The following ROR1 variants were observed in gnomAD, a reference collection of about 807,000 sequenced individuals.
ROR1 encodes ROR family WNT receptor 1.
ROR1 carries 19 observed loss-of-function variants against 78.8 expected under a neutral mutation model. The ratio of observed to expected loss-of-function variants is 0.24; its 90% CI spans 0.17 to 0.35. The LOEUF (loss-of-function observed/expected upper bound fraction) is 0.35. ROR1 is among the 10% of genes least tolerant of loss of function. The probability of loss-of-function intolerance (pLI) is 1.00; values close to 1 mark genes in which losing one functional copy is unlikely to be tolerated. For synonymous variants in ROR1, 386 were observed against 433.6 expected, an observed-to-expected ratio of 0.89 and a Z score of 1.36; for missense variants, 917 against 1,177.8, an observed-to-expected ratio of 0.78 and a Z score of 3.24.
At chr1:63,885,495 G>A (rs1357712202) in intron 1 of ROR1, among the ~76,000 whole-genome samples, 1 of 152,144 alleles carries the variant, frequency 6.6e-6, no homozygotes. Flanking sequence ...TGGTTTCTGG[G>A]TATGGCTTTT....
rs1213700780 is a variant in ROR1 at position 63,774,736 on chromosome 1, A to T, written c.91+228A>T. 1.3e-5 allele frequency among the ~76,000 whole-genome samples: 2 copies of T among 151,156 alleles called. No homozygotes were observed. Among genetic ancestry groups the T allele is most frequent in the African/African-American group, 4.9e-5 (2 of 41,154 alleles). On this transcript the variant is annotated intron_variant, in intron 1 of 8. Coordinates refer to ENST00000371079, the MANE Select transcript of ROR1 (RefSeq NM_005012.4). This position sits in a 1 kb window ranked among gnomAD's most constrained non-coding sequence, Gnocchi z 5.7. ...GCGGCGGGCCGGGGCGCGCCCAGGG[A>T]CTCGTTCCTCGGTGCGCAGCAGCGA...
rs139114952 is a variant in ROR1, at chr1:64,159,113, C to T, written c.1307C>T (p.Ser436Leu). 220 of 1,614,066 alleles carry T rather than the reference C, an allele frequency of 1.4e-4. No individual in the cohort carries two copies. In the African/African-American group the frequency reaches 2.4e-3, roughly 17 times the overall value. ...TGTCGGAATAACCAGAAGTCATCGT[C>T]GGCACCAGTCCAGAGGCAACCAAAA... is the stretch of plus-strand genomic sequence containing the variant. ...CVCRNNQKSS[S>L]APVQRQPKHV... Residue 436 changes from serine (S) to leucine (L), a missense_variant, in exon 8 of 9, where the codon TCG becomes TTG. Around this residue, in one of 3 missense-constraint regions of ROR1, gnomAD observed 835 missense variants for 1,069.8 expected, o/e 0.78. Coordinates refer to ENST00000371079, the MANE Select transcript of ROR1 (RefSeq NM_005012.4).
At chr1:63,861,781 G>C (rs1434212956) in intron 1 of ROR1, among the ~76,000 whole-genome samples, 2 of 152,088 alleles carry the variant, frequency 1.3e-5, no homozygotes, top group African/African-American at 4.8e-5. Context: ...GTTAAGAAAG[G>C]GTTCAAAAGG....
chr1:64,074,068 G>A (rs1023818790), intron 4 of ROR1, among the ~76,000 whole-genome samples: 1 of 152,020 alleles, frequency 6.6e-6, no homozygotes. Context: ...TGCTGTGCTT[G>A]CTTGCCCAAT....
chr1:63,889,179 C>A (rs1645377329), intron 1 of ROR1, among the ~76,000 whole-genome samples: 1 of 152,170 alleles, frequency 6.6e-6, no homozygotes, highest in Admixed American at 6.5e-5. Context: ...AGAGAGAGAG[C>A]CCAAGATGGA....
At position 63,787,195 on chromosome 1, in the gene ROR1, C is replaced by T. The variant is rs559226649; in HGVS notation, c.91+12687C>T. 5.9e-5 allele frequency among the ~76,000 whole-genome samples: 9 copies of T among 152,288 alleles called. No individual in the cohort carries two copies. In the South Asian group the frequency reaches 1.9e-3, roughly 32 times the overall value. The stretch of plus-strand genomic sequence containing the variant: ...TGTTCTTCAAACTGTATTGCATCCA[C>T]ATCCAGGAAGGCACCCTGGCCTGTT... On this transcript the variant is annotated intron_variant, in intron 1 of 8. Coordinates refer to ENST00000371079, the MANE Select transcript of ROR1 (RefSeq NM_005012.4).
intron 4 of ROR1, among the ~76,000 whole-genome samples, chr1:64,132,362 C>T (rs1300816465): frequency 6.6e-6 from 1 of 152,134 alleles, no homozygotes; most frequent in Non-Finnish European, 1.5e-5. Context: ...CTGCTCTGCA[C>T]ATTTGTGTAC....
chr1:64,080,290 G>T (rs1460597627), intron 4 of ROR1, among the ~76,000 whole-genome samples: 4 of 152,116 alleles, frequency 2.6e-5, no homozygotes, highest in Non-Finnish European at 5.9e-5. Context: ...GATGCTGCTG[G>T]CATCTGGTGG....
intron 1 of ROR1, among the ~76,000 whole-genome samples, chr1:64,006,485 T>C (rs1195089415): frequency 3.3e-5 from 5 of 152,200 alleles, no homozygotes; most frequent in Non-Finnish European, 7.3e-5. Context: ...CCCTGAAATG[T>C]AGACAATTAG....
rs1430610195 is a variant in ROR1 at position 64,178,491 on chromosome 1, T to C, written c.2450T>C (p.Ile817Thr). The change falls in exon 9 of 9, where the codon ATT (isoleucine) becomes ACT (threonine). Residue 817 changes from isoleucine (I) to threonine (T), a missense_variant. This residue lies in a region of ROR1 where 835 missense variants were observed against 1,069.8 expected (regional missense o/e 0.78). Transcript: ENST00000371079. This position sits in a 1 kb window ranked among gnomAD's most constrained non-coding sequence, Gnocchi z 4.3. ...CCAATACCTCAGAACCAGCGATTCATTCCCATCAATGGATACCCAATACCT... is the reference window on the plus strand; with the variant it reads ...CCAATACCTCAGAACCAGCGATTCACTCCCATCAATGGATACCCAATACCT... ...GPPIPQNQRF[I>T]PINGYPIPPG... 1.2e-6 allele frequency: 2 copies of C among 1,614,206 alleles called. No homozygotes were observed. The highest frequency in any genetic ancestry group is 2.2e-5 in the South Asian group (2 of 91,078).
intron 8 of ROR1, among the ~76,000 whole-genome samples, chr1:64,161,435 T>G (rs11208373): frequency 0.34 from 51,008 of 152,066 alleles, 8,909 homozygotes; most frequent in Middle Eastern, 0.42. Context: ...AGTTTGTGCT[T>G]CAGAGTAACC....
At chr1:64,064,741 G>C (rs1468872590) in intron 4 of ROR1, among the ~76,000 whole-genome samples, 1 of 152,200 alleles carries the variant, frequency 6.6e-6, no homozygotes, top group Non-Finnish European at 1.5e-5. Context: ...TCAAGGCTGA[G>C]GGGGCAGACA....
intron 1 of ROR1, among the ~76,000 whole-genome samples, chr1:63,998,232 A>T (rs372426304): frequency 6.6e-6 from 1 of 152,184 alleles, no homozygotes; most frequent in South Asian, 2.1e-4. Flanking sequence ...CTGGTGGCCA[A>T]AGGAACATAA....
At chr1:64,002,399 C>G (rs757254975) in intron 1 of ROR1, among the ~76,000 whole-genome samples, 1 of 152,212 alleles carries the variant, frequency 6.6e-6, no homozygotes. Flanking sequence ...GCTGGGATTA[C>G]AGGCGTGAGC....
chr1:63,936,707 C>T (rs1405683499), intron 1 of ROR1, among the ~76,000 whole-genome samples: 2 of 152,150 alleles, frequency 1.3e-5, no homozygotes, highest in African/African-American at 2.4e-5. Flanking sequence ...CCATTTTTAG[C>T]TAGAGATCTG....
chr1:63,824,116 T>G (rs1304621568), intron 1 of ROR1, among the ~76,000 whole-genome samples: 1 of 152,074 alleles, frequency 6.6e-6, no homozygotes, highest in East Asian at 1.9e-4. Flanking sequence ...ATCCAAAAAG[T>G]TTTTTTTCTC....
At chr1:64,019,541 T>C (rs1646547586) in intron 2 of ROR1, among the ~76,000 whole-genome samples, 1 of 152,202 alleles carries the variant, frequency 6.6e-6, no homozygotes, top group South Asian at 2.1e-4. Context: ...ATTTTTAAAA[T>C]ATCTGAATGT....
chr1:64,006,596 C>T (rs1186808876), intron 1 of ROR1, among the ~76,000 whole-genome samples: 1 of 152,160 alleles, frequency 6.6e-6, no homozygotes. Flanking sequence ...AAGCATTTCT[C>T]CTACTTGGGT....
intron 1 of ROR1, among the ~76,000 whole-genome samples, chr1:63,844,191 C>T (rs759749012): frequency 3.9e-5 from 6 of 152,190 alleles, no homozygotes; most frequent in Non-Finnish European, 7.3e-5. Context: ...CCTCAGTAAA[C>T]GTTGGCTGTT....
Sources: allele counts gnomAD v4.1 joint callset (sites outside exome capture counted in the v4.1 genomes callset), GRCh38; gene constraint gnomAD v4.1.1; regional missense constraint gnomAD v4.1.1; non-coding constraint Gnocchi (gnomAD v3.1); transcripts MANE v1.5; gene names NCBI Gene and HGNC (gene_info 2026-07-23, HGNC 2026-07-21).